The following HACD2 variants were observed in gnomAD, a reference collection of about 807,000 sequenced individuals.
HACD2 encodes the protein 3-hydroxyacyl-CoA dehydratase 2.
HACD2 carries 15 observed loss-of-function variants against 31.0 expected under a neutral mutation model. That is an observed-to-expected ratio of 0.48 (90% CI 0.32 to 0.75). The LOEUF is 0.75. HACD2 is among the 30% of genes least tolerant of loss of function. The probability of loss-of-function intolerance (pLI) is 0.03; values close to 1 mark genes in which losing one functional copy is unlikely to be tolerated. For synonymous variants in HACD2, 115 were observed against 122.2 expected (o/e 0.94, Z 0.39); for missense variants, 283 against 313.0 (o/e 0.90, Z 0.72).
intron 4 of HACD2, among the ~76,000 whole-genome samples, chr3:123,508,486 T>C (rs746297243): frequency 2.0e-5 from 3 of 152,220 alleles, no homozygotes; most frequent in Non-Finnish European, 4.4e-5. Flanking sequence ...GGAGTATCAG[T>C]ACATGAAAAG....
intron 3 of HACD2, among the ~76,000 whole-genome samples, chr3:123,560,303 C>T (rs983719566): frequency 3.3e-5 from 5 of 152,134 alleles, no homozygotes; most frequent in Non-Finnish European, 5.9e-5. Flanking sequence ...TGAATATGAC[C>T]ACTTATGGTC....
At chr3:123,542,299 T>A (rs2056503582) in intron 3 of HACD2, among the ~76,000 whole-genome samples, 1 of 151,856 alleles carries the variant, frequency 6.6e-6, no homozygotes, top group Admixed American at 6.6e-5. Context: ...TATATTCAAC[T>A]CCACAATTAG....
At chr3:123,525,664 C>T (rs1328584879) in intron 4 of HACD2, among the ~76,000 whole-genome samples, 1 of 152,062 alleles carries the variant, frequency 6.6e-6, no homozygotes, top group Non-Finnish European at 1.5e-5. Context: ...GAGCAGGAGT[C>T]CAAATTCACA....
chr3:123,535,596 T>C (rs545451744), intron 3 of HACD2, among the ~76,000 whole-genome samples: 3 of 152,346 alleles, frequency 2.0e-5, no homozygotes, highest in Non-Finnish European at 2.9e-5. Context: ...TGAATGTTTA[T>C]TAATGAGCCA....
intron 3 of HACD2, among the ~76,000 whole-genome samples, chr3:123,553,126 G>A (rs1005905335): frequency 6.6e-6 from 1 of 152,124 alleles, no homozygotes; most frequent in Non-Finnish European, 1.5e-5. Flanking sequence ...GGGTATCTGG[G>A]AAAATCACCC....
At position 123,528,455 on chromosome 3, in the gene HACD2, A is replaced by G; in HGVS notation, c.312T>C (p.Val104=). 1.2e-6 allele frequency: 2 copies of G among 1,611,442 alleles called. No individual in the cohort carries two copies. Among genetic ancestry groups the G allele is most frequent in the Non-Finnish European group, 1.7e-6 (2 of 1,177,634 alleles). ...HCAIGIVPSS[V]VLTSFQVMSR... ...ACATCACCTGGAAAGAAGTCAGGAC[A>G]ACAGAAGATGGAACAATTCCTGAAA... Residue 104 remains valine (V), a synonymous_variant, in exon 4 of 7, where the codon GTT becomes GTC. Coordinates refer to ENST00000383657, the MANE Select transcript of HACD2 (RefSeq NM_198402.5).
chr3:123,570,917 T>TACACACACACACACACACACACACACAC (rs149856963), intron 2 of HACD2, among the ~76,000 whole-genome samples: 75 of 144,842 alleles, frequency 5.2e-4, no homozygotes, highest in African/African-American at 1.7e-3. Context: ...TTCATACCAT[T>TACACACACACACACACACACACACACAC]ACACACACAC....
intron 4 of HACD2, among the ~76,000 whole-genome samples, chr3:123,507,086 G>A (rs760708051): frequency 1.3e-5 from 2 of 152,036 alleles, no homozygotes; most frequent in South Asian, 2.1e-4. Context: ...GTGAGATTCC[G>A]TTTCTACAAT....
intron 3 of HACD2, among the ~76,000 whole-genome samples, chr3:123,544,057 T>A (rs1327114537): frequency 6.6e-6 from 1 of 152,164 alleles, no homozygotes; most frequent in Non-Finnish European, 1.5e-5. Context: ...TTCACACAGA[T>A]GTTAAAAGTA....
At chr3:123,584,576 T>G in intron 1 of HACD2, 2 of 231,172 alleles carry the variant, frequency 8.7e-6, no homozygotes, top group Non-Finnish European at 1.7e-5. Context: ...CCCGCACCTG[T>G]GGCCAGCCCC....
chr3:123,584,457 ACT>A lies in HACD2; in HGVS notation c.155+414_155+415del, dbSNP rs373198970. ...AAAACAGCCGCCCAAATGAATGGTC[ACT>A]CTGCAGCCACAGCTCCTCCACTCCC... is the stretch of plus-strand genomic sequence containing the variant. On this transcript the variant is annotated intron_variant, in intron 1 of 6. Coordinates refer to ENST00000383657, the MANE Select transcript of HACD2 (RefSeq NM_198402.5). 6.6e-4 allele frequency: 109 copies of A among 164,618 alleles called. 1 individual carries two copies. In the East Asian group the frequency reaches 0.018, roughly 28 times the overall value. 10.2% of individuals were successfully genotyped at this position (164,618 alleles called of 1,614,324 possible).
intron 4 of HACD2, among the ~76,000 whole-genome samples, chr3:123,506,949 A>AT (rs1055663165): frequency 3.8e-4 from 58 of 152,280 alleles, no homozygotes; most frequent in African/African-American, 1.2e-3. Flanking sequence ...TAAACATATG[A>AT]TTTTATTAAT....
chr3:123,502,986 T>C (rs1186369846), intron 4 of HACD2: 2 of 277,152 alleles, frequency 7.2e-6, no homozygotes, highest in African/African-American at 4.3e-5. Flanking sequence ...GAATGTGGAC[T>C]GATGTCAGTG....
chr3:123,540,271 C>T (rs1266830495), intron 3 of HACD2, among the ~76,000 whole-genome samples: 2 of 152,100 alleles, frequency 1.3e-5, no homozygotes, highest in East Asian at 3.9e-4. Flanking sequence ...TAGCATCTTA[C>T]TCATCCACTT....
chr3:123,580,584 G>C (rs964944545), intron 2 of HACD2, among the ~76,000 whole-genome samples: 4 of 151,630 alleles, frequency 2.6e-5, no homozygotes, highest in African/African-American at 9.7e-5. Context: ...AGGAGTTTGA[G>C]ACCAGCCTGG....
chr3:123,504,293 G>A lies in HACD2; in HGVS notation c.382-1612C>T, dbSNP rs149825078. Reference sequence around the variant, plus strand: ...TAAGAGTGGAAGCCTTGCCTAAAGAGCTCTGGGTTATAATAGGAAGTTCCT... The same window carrying A: ...TAAGAGTGGAAGCCTTGCCTAAAGAACTCTGGGTTATAATAGGAAGTTCCT... On this transcript the variant is annotated intron_variant, in intron 4 of 6. Transcript: ENST00000383657. Among the ~76,000 whole-genome samples, 804 of 152,240 alleles carry A rather than the reference G, an allele frequency of 5.3e-3. 9 individuals are homozygous for A. Among genetic ancestry groups the A allele is most frequent in the African/African-American group, 0.019 (779 of 41,544 alleles).
intron 4 of HACD2, among the ~76,000 whole-genome samples, chr3:123,515,266 A>G (rs1450197047): frequency 2.0e-5 from 3 of 151,976 alleles, no homozygotes; most frequent in African/African-American, 7.3e-5. Flanking sequence ...ATCCCACTAT[A>G]TGGTGTTTGC....
chr3:123,559,356 A>C (rs1025907725), intron 3 of HACD2, among the ~76,000 whole-genome samples: 1 of 152,252 alleles, frequency 6.6e-6, no homozygotes, highest in Non-Finnish European at 1.5e-5. Flanking sequence ...GGAAAAAGGT[A>C]GTAGAACTAC....
At chr3:123,555,981 C>A (rs1218729777) in intron 3 of HACD2, among the ~76,000 whole-genome samples, 1 of 152,100 alleles carries the variant, frequency 6.6e-6, no homozygotes, top group East Asian at 1.9e-4. Flanking sequence ...TGCCGAACAA[C>A]TGGATGACTA....
Sources: allele counts gnomAD v4.1 joint callset (sites outside exome capture counted in the v4.1 genomes callset), GRCh38; gene constraint gnomAD v4.1.1; transcripts MANE v1.5; gene names NCBI Gene and HGNC (gene_info 2026-07-23, HGNC 2026-07-21).